The following SEPTIN9 variants were observed in gnomAD, a reference collection of about 807,000 sequenced individuals.
SEPTIN9 encodes the protein septin-9.
A neutral mutation model predicts 56.6 loss-of-function variants in SEPTIN9; 13 were observed. That is an observed-to-expected ratio of 0.23 (90% CI 0.15 to 0.37). The LOEUF is 0.37. Ranked by LOEUF, SEPTIN9 falls within the 10% of genes least tolerant of loss-of-function variation. SEPTIN9 has a pLI of 1.00. For synonymous variants in SEPTIN9, 332 were observed against 334.1 expected, an observed-to-expected ratio of 0.99 and a Z score of 0.07; for missense variants, 650 against 823.1, an observed-to-expected ratio of 0.79 and a Z score of 2.57.
Position 77,453,870 on chromosome 17 carries a change from C to A in SEPTIN9, c.722-28274C>A. 5.9e-6 allele frequency: 1 copy of A among 169,158 alleles called. No homozygotes were observed. Among genetic ancestry groups the A allele is most frequent in the Non-Finnish European group, 1.2e-5 (1 of 83,428 alleles). 10.5% of individuals were successfully genotyped at this position (169,158 alleles called of 1,614,324 possible). On this transcript the variant is annotated intron_variant, in intron 3 of 11. Transcript: ENST00000427177. This position sits in a 1 kb window ranked among gnomAD's most constrained non-coding sequence, Gnocchi z 4.4. ...GAGGGGACAACCCCGTCCTTAGGAG[C>A]CCCTTCTCCCTGCCCCCAGGCCTGG...
intron 2 of SEPTIN9, chr17:77,373,170 C>CGGCCACTCG: frequency 9.4e-7 from 1 of 1,058,718 alleles, no homozygotes; most frequent in South Asian, 4.5e-5. Context: ...TGTCCCCCAG[C>CGGCCACTCG]GGCCACTCGG....
Position 77,487,415 on chromosome 17 carries a change from T to C in SEPTIN9, c.914-9T>C. The C allele has an allele frequency of 6.3e-7, 1 of 1,595,380 alleles. No homozygotes were observed. ...GAGACCCCTGACCGGCCTCCCATCC[T>C]CTCCCCAGGGCAGAGCGGCTTGGGT... On this transcript the variant is annotated splice_polypyrimidine_tract_variant and intron_variant, in intron 4 of 11. Transcript: ENST00000427177. This position sits in a 1 kb window ranked among gnomAD's most constrained non-coding sequence, Gnocchi z 4.3.
chr17:77,377,593 AG>A (rs2034978416), intron 2 of SEPTIN9, among the ~76,000 whole-genome samples: 2 of 151,982 alleles, frequency 1.3e-5, no homozygotes, highest in Non-Finnish European at 2.9e-5. Context: ...TCGCCCGAGG[AG>A]GACCCCCAGA....
chr17:77,308,844 A>C (rs1363185191), intron 2 of SEPTIN9, among the ~76,000 whole-genome samples: 1 of 152,270 alleles, frequency 6.6e-6, no homozygotes, highest in African/African-American at 2.4e-5. Flanking sequence ...GTGGGAGTGG[A>C]GGGGATGCCG....
chr17:77,360,157 C>CA (rs59677016), intron 2 of SEPTIN9, among the ~76,000 whole-genome samples: 37,701 of 120,580 alleles, frequency 0.31, 5,565 homozygotes, highest in Middle Eastern at 0.35. Flanking sequence ...AACTCTGTCT[C>CA]AAAAAAAAAA....
intron 1 of SEPTIN9, among the ~76,000 whole-genome samples, chr17:77,305,887 G>A (rs2032238127): frequency 7.4e-6 from 1 of 134,630 alleles, no homozygotes; most frequent in African/African-American, 2.8e-5. Context: ...TGGATGGAAG[G>A]AAGGATGAGT....
intron 2 of SEPTIN9, among the ~76,000 whole-genome samples, chr17:77,390,425 T>TA (rs570951109): frequency 0.22 from 23,408 of 106,218 alleles, 2,788 homozygotes; most frequent in East Asian, 0.46. Flanking sequence ...GTTTCAGAGG[T>TA]AAAAAAAAAA....
chr17:77,388,707 G>A (rs2144019330), intron 2 of SEPTIN9, among the ~76,000 whole-genome samples: 1 of 152,080 alleles, frequency 6.6e-6, no homozygotes, highest in South Asian at 2.1e-4. Flanking sequence ...GCTCATATTG[G>A]CTCGGGCAGA....
chr17:77,477,171 A>G (rs1018729582), intron 3 of SEPTIN9, among the ~76,000 whole-genome samples: 14 of 149,948 alleles, frequency 9.3e-5, no homozygotes, highest in Non-Finnish European at 1.8e-4. Context: ...TGGGGATATA[A>G]TTTCCATATT....
chr17:77,472,232 T>C (rs992069722), intron 3 of SEPTIN9, among the ~76,000 whole-genome samples: 2 of 152,128 alleles, frequency 1.3e-5, no homozygotes, highest in Non-Finnish European at 2.9e-5. Context: ...TTGGACCTTG[T>C]CCAAATTTGA....
rs1200567239 is a variant in SEPTIN9, at chr17:77,451,629, G to C, written c.722-30515G>C. On this transcript the variant is annotated intron_variant, in intron 3 of 11. Transcript: ENST00000427177. The surrounding 1 kb of genome is among the most constrained non-coding windows in gnomAD (Gnocchi z 4.2). ...GGACCCTGATGGCCATGGTGGCGGT[G>C]CCGGGAGCCACGCTGTCCCTGGGCC... is the stretch of plus-strand genomic sequence containing the variant. 1.8e-5 allele frequency: 16 copies of C among 886,284 alleles called. No individual in the cohort carries two copies. Among genetic ancestry groups the C allele is most frequent in the Non-Finnish European group, 2.2e-5 (16 of 739,290 alleles). The allele number at this position is 886,284 out of a possible 1,614,324, so 54.9% of individuals were successfully genotyped here.
At chr17:77,442,766 G>A (rs1006532499) in intron 3 of SEPTIN9, among the ~76,000 whole-genome samples, 21 of 152,000 alleles carry the variant, frequency 1.4e-4, no homozygotes, top group African/African-American at 5.1e-4. Context: ...CCAGCTACTT[G>A]GGAAGCTGAG....
intron 1 of SEPTIN9, among the ~76,000 whole-genome samples, chr17:77,283,137 C>T (rs985248245): frequency 4.6e-5 from 7 of 150,858 alleles, no homozygotes; most frequent in African/African-American, 1.5e-4. Context: ...CCACACACAC[C>T]TACCCCACCC....
At position 77,327,679 on chromosome 17, in the gene SEPTIN9, C is replaced by T. The variant is rs1036157922; in HGVS notation, c.76+20482C>T. 4.6e-5 allele frequency among the ~76,000 whole-genome samples: 7 copies of T among 152,190 alleles called. No homozygotes were observed. The highest frequency in any genetic ancestry group is 2.1e-4 in the South Asian group (1 of 4,832). On this transcript the variant is annotated intron_variant, in intron 2 of 11. Coordinates refer to ENST00000427177, the MANE Select transcript of SEPTIN9 (RefSeq NM_001113491.2). This position sits in a 1 kb window ranked among gnomAD's most constrained non-coding sequence, Gnocchi z 5.0. ...ACAGAGAGTGGCGCAGATCTCAGCC[C>T]GGAGACTCCCTCTGCCTGTGGACGC...
intron 2 of SEPTIN9, among the ~76,000 whole-genome samples, chr17:77,340,305 T>C (rs1271408822): frequency 6.6e-6 from 1 of 151,850 alleles, no homozygotes; most frequent in Non-Finnish European, 1.5e-5. Context: ...CATGCCTGAA[T>C]AATTTTTGTA....
At chr17:77,412,129 CAAAAA>C (rs756030644) in intron 3 of SEPTIN9, among the ~76,000 whole-genome samples, 2,726 of 67,362 alleles carry the variant, frequency 0.04, 88 homozygotes, top group African/African-American at 0.12. Context: ...GACTCCCTAT[CAAAAA>C]AAAAAAAAAA....
intron 7 of SEPTIN9, 55 bp downstream of exon 7, chr17:77,488,919 C>A: frequency 1.2e-6 from 2 of 1,603,368 alleles, no homozygotes; most frequent in Non-Finnish European, 8.5e-7. Flanking sequence ...TTCCCTCTGT[C>A]CCCTGGGACT....
At chr17:77,287,416 G>A (rs959037428) in intron 1 of SEPTIN9, among the ~76,000 whole-genome samples, 1 of 152,218 alleles carries the variant, frequency 6.6e-6, no homozygotes, top group Non-Finnish European at 1.5e-5. Flanking sequence ...GCTGTGAGCT[G>A]CCCGTCTCCC....
At chr17:77,386,517 G>A (rs1213375084) in intron 2 of SEPTIN9, among the ~76,000 whole-genome samples, 2 of 152,190 alleles carry the variant, frequency 1.3e-5, no homozygotes, top group African/African-American at 4.8e-5. Flanking sequence ...TGGGGGTGGG[G>A]GTACCTTGCT....
Sources: gnomAD v4.1 joint callset for allele counts (sites outside exome capture counted in the v4.1 genomes callset) on GRCh38, gnomAD v4.1.1 for gene constraint, Gnocchi (gnomAD v3.1) non-coding constraint, MANE v1.5 for transcripts, NCBI Gene and HGNC (gene_info 2026-07-23, HGNC 2026-07-21) for gene names.